The following CDH13 variants were observed in gnomAD, a reference collection of about 807,000 sequenced individuals.
The protein encoded by CDH13 is cadherin-13.
In CDH13, 24 loss-of-function variants were observed where a neutral mutation model predicts 63.8. That is an observed-to-expected ratio of 0.38 (90% CI 0.27 to 0.53). The LOEUF is 0.53. CDH13 is among the 20% of genes least tolerant of loss of function. The pLI is 0.85. For missense variants in CDH13, 1,049 were observed against 903.1 expected, an observed-to-expected ratio of 1.16 and a Z score of -2.07; for synonymous variants, 503 against 355.3, an observed-to-expected ratio of 1.42 and a Z score of -4.67.
chr16:83,097,953 T>TG (rs2034287879), intron 3 of CDH13, among the ~76,000 whole-genome samples: 2 of 151,852 alleles, frequency 1.3e-5, no homozygotes, highest in South Asian at 4.1e-4. Flanking sequence ...AGGTAACTTT[T>TG]GAAAAAAAAA....
chr16:82,658,650 G>A (rs530159927), intron 1 of CDH13, among the ~76,000 whole-genome samples: 1 of 152,230 alleles, frequency 6.6e-6, no homozygotes, highest in African/African-American at 2.4e-5. Flanking sequence ...ATCTCCAAGG[G>A]TGGTTGCGTG....
At chr16:82,923,914 A>G (rs1289977921) in intron 2 of CDH13, among the ~76,000 whole-genome samples, 2 of 152,216 alleles carry the variant, frequency 1.3e-5, no homozygotes, top group Non-Finnish European at 1.5e-5. Flanking sequence ...TCCTCTCTGC[A>G]AATGATCACA....
At chr16:82,901,323 C>CGTGT (rs1567644849) in intron 2 of CDH13, among the ~76,000 whole-genome samples, 44 of 102,060 alleles carry the variant, frequency 4.3e-4, no homozygotes, top group Admixed American at 3.6e-3. Context: ...ATAGTATTCT[C>CGTGT]CTGTGTGTGT....
At chr16:83,700,008 G>A (rs144206312) in intron 10 of CDH13, among the ~76,000 whole-genome samples, 17 of 152,224 alleles carry the variant, frequency 1.1e-4, no homozygotes, top group East Asian at 5.8e-4. Flanking sequence ...CGCTATCACC[G>A]TGATCTAGAT....
At chr16:82,747,024 C>G (rs1335541295) in intron 1 of CDH13, among the ~76,000 whole-genome samples, 1 of 152,132 alleles carries the variant, frequency 6.6e-6, no homozygotes, top group African/African-American at 2.4e-5. Flanking sequence ...TTGTCTTAGT[C>G]CTCTTCTATT....
intron 11 of CDH13, among the ~76,000 whole-genome samples, chr16:83,771,233 C>T (rs1242411855): frequency 1.3e-5 from 2 of 152,148 alleles, no homozygotes; most frequent in African/African-American, 2.4e-5. Context: ...CCTCCCTACA[C>T]CAAGATCACA....
At chr16:83,477,079 C>G (rs1483654558) in intron 6 of CDH13, among the ~76,000 whole-genome samples, 1 of 152,192 alleles carries the variant, frequency 6.6e-6, no homozygotes, top group African/African-American at 2.4e-5. Flanking sequence ...ATGTCATAAA[C>G]AGTTCTTCAG....
intron 6 of CDH13, among the ~76,000 whole-genome samples, chr16:83,450,066 A>C (rs944940378): frequency 2.0e-5 from 3 of 152,156 alleles, no homozygotes; most frequent in Admixed American, 6.5e-5. Flanking sequence ...CAATGCCGAC[A>C]TCCCAACTCT....
intron 2 of CDH13, among the ~76,000 whole-genome samples, chr16:82,883,611 G>A (rs371861755): frequency 4.6e-4 from 70 of 152,336 alleles, no homozygotes; most frequent in Middle Eastern, 3.4e-3. Flanking sequence ...CCTCTTGGGT[G>A]TAATGTTTAG....
intron 1 of CDH13, among the ~76,000 whole-genome samples, chr16:82,713,763 G>A (rs568804342): frequency 3.3e-4 from 49 of 146,746 alleles, no homozygotes; most frequent in African/African-American, 1.2e-3. Flanking sequence ...AATTCTATGA[G>A]CTTGGGCAAA....
At chr16:83,444,916 CA>C (rs1209741839) in intron 6 of CDH13, among the ~76,000 whole-genome samples, 58 of 5,698 alleles carry the variant, frequency 0.01, no homozygotes, top group African/African-American at 0.026. Context: ...AAAAATGGAC[CA>C]AAATGCCTCT....
intron 1 of CDH13, among the ~76,000 whole-genome samples, chr16:82,691,714 A>C (rs1258301615): frequency 3.9e-5 from 6 of 152,194 alleles, no homozygotes; most frequent in African/African-American, 9.7e-5. Context: ...CTCGGGCTTC[A>C]GAAGAGGCTA....
chr16:83,602,888 T>G lies in CDH13; in HGVS notation c.1101+294T>G, dbSNP rs548749083. ...ATTTTCATAGTTTTATTGCTGTTAT[T>G]TAGCAGTGAGTTATGAGAGTCCCAC... On this transcript the variant is annotated intron_variant, in intron 8 of 13. Transcript: ENST00000567109. Among the ~76,000 whole-genome samples, 273 of 152,364 alleles carry G rather than the reference T, an allele frequency of 1.8e-3. 3 individuals carry two copies. The highest frequency in any genetic ancestry group is 2.4e-3 in the Non-Finnish European group (165 of 68,036).
intron 2 of CDH13, among the ~76,000 whole-genome samples, chr16:82,925,004 C>G (rs1021310009): frequency 1.3e-5 from 2 of 152,156 alleles, no homozygotes; most frequent in African/African-American, 2.4e-5. Flanking sequence ...GAATAATACT[C>G]TGATTACTGA....
chr16:82,882,636 A>G (rs960789520), intron 2 of CDH13, among the ~76,000 whole-genome samples: 2 of 151,444 alleles, frequency 1.3e-5, no homozygotes, highest in East Asian at 2.0e-4. Context: ...CTCCCTTCCT[A>G]TCACCCTTCC....
intron 7 of CDH13, among the ~76,000 whole-genome samples, chr16:83,587,903 C>G (rs1029423866): frequency 2.0e-5 from 3 of 151,746 alleles, no homozygotes; most frequent in Non-Finnish European, 4.4e-5. Flanking sequence ...CAGCCCCCAG[C>G]TGGCTTTGTT....
rs952472246 is a variant in CDH13 at position 83,084,184 on chromosome 16, C to T, written c.367-41201C>T. Among the ~76,000 whole-genome samples, 9 of 152,288 alleles carry T rather than the reference C, an allele frequency of 5.9e-5. No individual in the cohort carries two copies. In the South Asian group the frequency reaches 1.9e-3, roughly 32 times the overall value. ...TTGGCTTTGAACTGATGGGCACGTACACAAAAGATTGGAGCCAACTGATTG... is the reference window on the plus strand; with the variant it reads ...TTGGCTTTGAACTGATGGGCACGTATACAAAAGATTGGAGCCAACTGATTG... On this transcript the variant is annotated intron_variant, in intron 3 of 13. Transcript: ENST00000567109.
chr16:82,742,470 T>C (rs528786021), intron 1 of CDH13, among the ~76,000 whole-genome samples: 1 of 152,282 alleles, frequency 6.6e-6, no homozygotes, highest in African/African-American at 2.4e-5. Flanking sequence ...AAGTTATTGA[T>C]TATGTATAGC....
chr16:83,715,984 C>T (rs1245463107), intron 10 of CDH13, among the ~76,000 whole-genome samples: 1 of 152,202 alleles, frequency 6.6e-6, no homozygotes, highest in African/African-American at 2.4e-5. Context: ...TAAAATCTTT[C>T]CCCAGTATAT....
Sources: allele counts gnomAD v4.1 joint callset (sites outside exome capture counted in the v4.1 genomes callset), GRCh38; gene constraint gnomAD v4.1.1; transcripts MANE v1.5; gene names NCBI Gene and HGNC (gene_info 2026-07-23, HGNC 2026-07-21).